MCM10: variants seen among roughly 807,000 people sequenced by gnomAD.
MCM10 encodes minichromosome maintenance 10 replication initiation factor.
Under a neutral mutation model 109.9 loss-of-function variants are expected in MCM10, and 91 were observed. That is an observed-to-expected ratio of 0.83 (90% CI 0.70 to 0.99). MCM10 has a LOEUF of 0.99. Among genes scored for constraint, MCM10 ranks in the 50% least tolerant of loss-of-function variants. The pLI, the probability that MCM10 is intolerant of heterozygous loss-of-function variation, is 0.00. For missense variants in MCM10, 1,077 were observed against 1,061.2 expected (o/e 1.01, Z -0.21); for synonymous variants, 380 against 387.2 (o/e 0.98, Z 0.22).
Position 13,171,131 on chromosome 10 carries a change from A to G in MCM10, c.217A>G (p.Asn73Asp), listed in dbSNP as rs1461719150. 1 of 1,614,234 alleles carries G rather than the reference A, an allele frequency of 6.2e-7. No individual in the cohort carries two copies. The highest frequency in any genetic ancestry group is 8.5e-7 in the Non-Finnish European group (1 of 1,180,040). The stretch of plus-strand genomic sequence containing the variant: ...AGGAGAGACAAGAGACGAAAAGGAA[A>G]ATCTGGCCACTCTCTTTGGAGATAT... ...ETGETRDEKE[N>D]LATLFGDMED... Residue 73 changes from asparagine to aspartate, a missense_variant, in exon 3 of 20, where the codon AAT becomes GAT. Coordinates refer to ENST00000378714, the MANE Select transcript of MCM10 (RefSeq NM_018518.5).
chr10:13,199,655 A>G (rs901276342), intron 16 of MCM10, among the ~76,000 whole-genome samples: 1 of 152,248 alleles, frequency 6.6e-6, no homozygotes, highest in African/African-American at 2.4e-5. Context: ...ATAAGAAAAA[A>G]TGAAAAGATT....
chr10:13,203,735 C>T (rs987899090), intron 17 of MCM10, among the ~76,000 whole-genome samples: 2 of 152,166 alleles, frequency 1.3e-5, no homozygotes, highest in Non-Finnish European at 2.9e-5. Context: ...ATCTCTCTGT[C>T]TTGGCTTTGC....
At position 13,209,314 on chromosome 10, in the gene MCM10, G is replaced by T. The variant is rs549527948; in HGVS notation, c.*4G>T. ...ATTTCTGAACAGCCTTAAATAACCC[G>T]AACTTCAGACATTTTCCCACAGACT... On this transcript the variant is annotated 3_prime_UTR_variant, in exon 20 of 20. Coordinates refer to ENST00000378714, the MANE Select transcript of MCM10 (RefSeq NM_018518.5). The T allele has an allele frequency of 1.9e-6, 3 of 1,611,516 alleles. No homozygotes were observed. Among genetic ancestry groups the T allele is most frequent in the Admixed American group, 1.7e-5 (1 of 60,004 alleles).
chr10:13,169,175 C>A (rs570038512), intron 2 of MCM10, among the ~76,000 whole-genome samples: 1 of 152,312 alleles, frequency 6.6e-6, no homozygotes, highest in African/African-American at 2.4e-5. Context: ...ATGCAAATGG[C>A]ATACCTAGTC....
At chr10:13,166,281 A>G (rs1437584271) in intron 2 of MCM10, among the ~76,000 whole-genome samples, 1 of 152,066 alleles carries the variant, frequency 6.6e-6, no homozygotes, top group African/African-American at 2.4e-5. Context: ...AGCAGAGAAG[A>G]TACGTTCAGA....
intron 9 of MCM10, among the ~76,000 whole-genome samples, chr10:13,188,618 G>A (rs1834304956): frequency 6.6e-6 from 1 of 152,164 alleles, no homozygotes; most frequent in Non-Finnish European, 1.5e-5. Context: ...TGTTTTCAAG[G>A]TTCATCCTAA....
intron 9 of MCM10, among the ~76,000 whole-genome samples, chr10:13,188,075 T>G (rs759867624): frequency 6.6e-6 from 1 of 151,882 alleles, no homozygotes; most frequent in Non-Finnish European, 1.5e-5. Flanking sequence ...AACCTAGGAG[T>G]TGGAGGTTGC....
At chr10:13,191,534 G>A in intron 11 of MCM10, 135 bp downstream of exon 11, 5 of 652,972 alleles carry the variant, frequency 7.7e-6, no homozygotes, top group Non-Finnish European at 1.3e-5. Flanking sequence ...TCACCACTAA[G>A]AACTTATTCA....
chr10:13,167,265 C>T (rs1010460408), intron 2 of MCM10, among the ~76,000 whole-genome samples: 3 of 152,118 alleles, frequency 2.0e-5, no homozygotes, highest in South Asian at 4.1e-4. Flanking sequence ...CATGGATCCA[C>T]AGGGAGGGCA....
Position 13,180,237 on chromosome 10 carries a change from T to C in MCM10, c.765-205T>C, listed in dbSNP as rs569787010. Among the ~76,000 whole-genome samples the C allele has an allele frequency of 4.6e-5, 7 of 150,612 alleles. No individual in the cohort carries two copies. The East Asian group carries it at 1.4e-3, about 29-fold the overall frequency. On this transcript the variant is annotated intron_variant, in intron 6 of 19. Coordinates refer to ENST00000378714, the MANE Select transcript of MCM10 (RefSeq NM_018518.5). ...CTGCACTCCAGCCTGGGCAACAGAG[T>C]GAGACTCCATCTTTAAAAAAAAAAA... is the stretch of plus-strand genomic sequence containing the variant.
At position 13,209,147 on chromosome 10, in the gene MCM10, G is replaced by T. The variant is rs201354633; in HGVS notation, c.2541+14G>T. 5.0e-6 allele frequency: 8 copies of T among 1,609,102 alleles called. No individual in the cohort carries two copies. Among genetic ancestry groups the T allele is most frequent in the East Asian group, 2.2e-5 (1 of 44,882 alleles). ...GGAATGCTAAAGGTATGCCATTTGCGTACTAATTTTTGACTCCTTTTAGTG... is the reference window on the plus strand; with the variant it reads ...GGAATGCTAAAGGTATGCCATTTGCTTACTAATTTTTGACTCCTTTTAGTG... On this transcript the variant is annotated intron_variant, in intron 19 of 19. Transcript: ENST00000378714.
chr10:13,169,985 C>T (rs896815730), intron 2 of MCM10, among the ~76,000 whole-genome samples: 2 of 152,208 alleles, frequency 1.3e-5, no homozygotes, highest in Admixed American at 6.5e-5. Flanking sequence ...GGATTACAGG[C>T]GTGAGCCACC....
At chr10:13,202,726 C>T (rs950509298) in intron 17 of MCM10, among the ~76,000 whole-genome samples, 8 of 152,234 alleles carry the variant, frequency 5.3e-5, no homozygotes, top group African/African-American at 1.7e-4. Context: ...AGCTCTTACT[C>T]TGACACAGCG....
chr10:13,210,214 CCAGCTAATTTTTGCATTTTT>C lies in MCM10; in HGVS notation c.*905_*924del, dbSNP rs956560197. The C allele has an allele frequency of 2.6e-5, 4 of 151,614 alleles. No homozygotes were observed. The highest frequency in any genetic ancestry group is 2.6e-4 in the Admixed American group (4 of 15,188). The allele number at this position is 151,614 out of a possible 1,614,324, so 9.4% of individuals were successfully genotyped here. On this transcript the variant is annotated 3_prime_UTR_variant, in exon 20 of 20. Transcript: ENST00000378714. ...GGACTACAGGCGTGCGTGACCAAGC[CCAGCTAATTTTTGCATTTTT>C]TGTAGAGATGGGGTTTTGCCATGTT...
chr10:13,170,676 T>G (rs1025822994), intron 2 of MCM10, among the ~76,000 whole-genome samples: 19 of 151,558 alleles, frequency 1.3e-4, no homozygotes, highest in African/African-American at 4.4e-4. Context: ...GGTTTTTGTT[T>G]TTTTTGTTTG....
intron 2 of MCM10, among the ~76,000 whole-genome samples, chr10:13,165,847 G>A (rs1048948113): frequency 4.2e-5 from 6 of 141,374 alleles, no homozygotes; most frequent in Admixed American, 7.5e-5. Flanking sequence ...TGCACCTCCA[G>A]CCTGGGTGAC....
At chr10:13,209,023 A>G (rs1834622351) in intron 18 of MCM10, 68 bp from the exon 19 acceptor site, 1 of 1,088,224 alleles carries the variant, frequency 9.2e-7, no homozygotes, top group African/African-American at 1.5e-5. Context: ...AGGTGCAGTG[A>G]GCACCGTCGT....
rs151192063 is a variant in MCM10 at position 13,163,195 on chromosome 10, C to T, written c.-75-933C>T. Among the ~76,000 whole-genome samples the T allele has an allele frequency of 6.8e-4, 103 of 152,030 alleles. 1 individual carries two copies. In the East Asian group the frequency reaches 0.018, roughly 27 times the overall value. On this transcript the variant is annotated intron_variant, in intron 1 of 19. Coordinates refer to ENST00000378714, the MANE Select transcript of MCM10 (RefSeq NM_018518.5). ...CTCTACAAAAAACACAAAAATTAGC[C>T]GGGTGTGGTAGTGCACGTTTGTAAT...
At chr10:13,194,734 C>T (rs1203905166) in intron 13 of MCM10, among the ~76,000 whole-genome samples, 6 of 152,142 alleles carry the variant, frequency 3.9e-5, no homozygotes, top group African/African-American at 9.7e-5. Context: ...GTTCACACCG[C>T]GTCTTCAGCT....
Sources: gnomAD v4.1 joint callset for allele counts (sites outside exome capture counted in the v4.1 genomes callset) on GRCh38, gnomAD v4.1.1 for gene constraint, MANE v1.5 for transcripts, NCBI Gene and HGNC (gene_info 2026-07-23, HGNC 2026-07-21) for gene names.